The following TXNRD2 variants were observed in gnomAD, a reference collection of about 807,000 sequenced individuals.
The protein encoded by TXNRD2 is thioredoxin reductase 2, also known as thioredoxin reductase 2, mitochondrial.
TXNRD2 carries 67 observed loss-of-function variants against 70.8 expected under a neutral mutation model. The ratio of observed to expected loss-of-function variants is 0.95; its 90% CI spans 0.78 to 1.16. The LOEUF (loss-of-function observed/expected upper bound fraction) is 1.16. Ranked by LOEUF, TXNRD2 falls within the 50% of genes most tolerant of loss-of-function variation. The pLI is 0.00. For synonymous variants in TXNRD2, 301 were observed against 295.8 expected (o/e 1.02, Z -0.18); for missense variants, 644 against 719.9 (o/e 0.89, Z 1.21).
intron 11 of TXNRD2, among the ~76,000 whole-genome samples, chr22:19,891,239 A>G (rs1406219625): frequency 6.6e-6 from 1 of 152,170 alleles, no homozygotes; most frequent in Non-Finnish European, 1.5e-5. Flanking sequence ...ACAAGGCCCC[A>G]GGCAGACCTG....
chr22:19,907,298 G>A (rs1310350312), intron 8 of TXNRD2, among the ~76,000 whole-genome samples: 2 of 32,120 alleles, frequency 6.2e-5, no homozygotes, highest in East Asian at 8.3e-4. Flanking sequence ...TGTGGGCGCC[G>A]TGGATAGCAG....
chr22:19,898,352 C>A (rs1362049814), intron 9 of TXNRD2, among the ~76,000 whole-genome samples: 1 of 152,206 alleles, frequency 6.6e-6, no homozygotes, highest in Non-Finnish European at 1.5e-5. Flanking sequence ...CTGGCCTCTG[C>A]TCCCATGTGC....
intron 12 of TXNRD2, 89 bp from the exon 13 acceptor site, chr22:19,880,806 C>T: frequency 1.1e-6 from 1 of 887,676 alleles, no homozygotes; most frequent in Non-Finnish European, 1.8e-6. Context: ...TCCGAGTGGG[C>T]ATCTCCCTTT....
rs527633027 is a variant in TXNRD2, at chr22:19,883,557, A to G, written c.950-96T>C. ...TGTTTCTCAGAATGTCCACTTAGAG[A>G]CCGGGTGCAGTGGCTCCTGCCTGTA... On this transcript the variant is annotated intron_variant, in intron 11 of 17. Coordinates refer to ENST00000400521, the MANE Select transcript of TXNRD2 (RefSeq NM_006440.5). 3.5e-5 allele frequency: 55 copies of G among 1,575,846 alleles called. 1 individual carries two copies. In the South Asian group the frequency reaches 6.1e-4, roughly 17 times the overall value.
chr22:19,937,042 T>C (rs1045890326), intron 1 of TXNRD2, among the ~76,000 whole-genome samples: 12 of 152,192 alleles, frequency 7.9e-5, no homozygotes, highest in African/African-American at 1.2e-4. Context: ...GTTAAAACGG[T>C]ATTACAGACT....
chr22:19,933,328 G>A (rs776141297), intron 1 of TXNRD2: 4 of 641,434 alleles, frequency 6.2e-6, no homozygotes, highest in Non-Finnish European at 1.0e-5. Context: ...GCTGGTCAGG[G>A]AGAAAATGCC....
chr22:19,930,996 C>T (rs773601710), intron 2 of TXNRD2, 34 bp downstream of exon 2: 4 of 1,607,150 alleles, frequency 2.5e-6, no homozygotes, highest in African/African-American at 1.3e-5. Context: ...CTAAAAGCTT[C>T]GAGGCCTTGC....
chr22:19,893,665 C>T (rs1359845565), intron 11 of TXNRD2, among the ~76,000 whole-genome samples: 3 of 151,186 alleles, frequency 2.0e-5, no homozygotes, highest in Non-Finnish European at 1.5e-5. Context: ...CATGCAAAAC[C>T]GGACCTACAC....
At chr22:19,939,921 G>T (rs1056151626) in intron 1 of TXNRD2, among the ~76,000 whole-genome samples, 2 of 152,170 alleles carry the variant, frequency 1.3e-5, no homozygotes, top group African/African-American at 4.8e-5. Context: ...ATTTGGGAAT[G>T]ATTGTGTTAA....
At chr22:19,886,594 T>C (rs1939044192) in intron 11 of TXNRD2, among the ~76,000 whole-genome samples, 1 of 152,180 alleles carries the variant, frequency 6.6e-6, no homozygotes, top group African/African-American at 2.4e-5. Context: ...TCCCGACCAT[T>C]TCCCTCCTAT....
chr22:19,897,927 AAAG>A, intron 10 of TXNRD2, 109 bp downstream of exon 10: 1 of 815,162 alleles, frequency 1.2e-6, no homozygotes, highest in Non-Finnish European at 1.9e-6. Context: ...GGTTATCTCT[AAAG>A]ATTCAGGCAT....
intron 5 of TXNRD2, among the ~76,000 whole-genome samples, chr22:19,917,062 C>G (rs1404790652): frequency 6.6e-6 from 1 of 152,244 alleles, no homozygotes; most frequent in African/African-American, 2.4e-5. Context: ...CCTTCAATCA[C>G]CTCGACAGCC....
Position 19,921,321 on chromosome 22 carries a change from G to T in TXNRD2, c.173-1722C>A, listed in dbSNP as rs111857251. On this transcript the variant is annotated intron_variant, in intron 2 of 17. Transcript: ENST00000400521. ...TCCCAGCTGCTCGGGAGGCTAAGGT[G>T]GGGGGATGGCTTGAGCTTAGCAGGT... Among the ~76,000 whole-genome samples the T allele has an allele frequency of 9.4e-3, 1,421 of 151,734 alleles. 16 individuals are homozygous for T. Among genetic ancestry groups the T allele is most frequent in the African/African-American group, 0.031 (1,292 of 41,334 alleles).
intron 2 of TXNRD2, among the ~76,000 whole-genome samples, chr22:19,928,126 AC>A (rs1258768607): frequency 1.4e-5 from 2 of 146,636 alleles, no homozygotes; most frequent in Non-Finnish European, 3.0e-5. Flanking sequence ...AAAAAAAAAA[AC>A]TTGAGTAAAA....
At chr22:19,920,019 C>T (rs1424877371) in intron 2 of TXNRD2, among the ~76,000 whole-genome samples, 1 of 152,200 alleles carries the variant, frequency 6.6e-6, no homozygotes, top group Non-Finnish European at 1.5e-5. Context: ...TAGCCACTCA[C>T]CGGGAATGGC....
Position 19,927,667 on chromosome 22 carries a change from A to AG in TXNRD2, c.172+3362_172+3363insC, listed in dbSNP as rs577436720. ...ACCTTGTCTCAAAAAAAAAAAAAAA[A>AG]AAAAGAAAAGAAAGAAAGAAAGAAA... On this transcript the variant is annotated intron_variant, in intron 2 of 17. Coordinates refer to ENST00000400521, the MANE Select transcript of TXNRD2 (RefSeq NM_006440.5). Among the ~76,000 whole-genome samples the AG allele has an allele frequency of 6.7e-3, 1,013 of 150,444 alleles. 9 individuals carry two copies. The highest frequency in any genetic ancestry group is 0.024 in the Middle Eastern group (7 of 292).
chr22:19,930,791 C>A (rs1941328924), intron 2 of TXNRD2, among the ~76,000 whole-genome samples: 1 of 152,166 alleles, frequency 6.6e-6, no homozygotes, highest in South Asian at 2.1e-4. Flanking sequence ...GTGAGTAAAG[C>A]AGAAGAGCTG....
intron 2 of TXNRD2, among the ~76,000 whole-genome samples, chr22:19,928,864 G>T (rs1347236354): frequency 2.0e-5 from 3 of 151,856 alleles, no homozygotes; most frequent in Non-Finnish European, 4.4e-5. Context: ...AAATTAGCCA[G>T]GTGTGGTGGC....
At chr22:19,901,641 A>G (rs1319848730) in intron 8 of TXNRD2, among the ~76,000 whole-genome samples, 1 of 152,190 alleles carries the variant, frequency 6.6e-6, no homozygotes, top group African/African-American at 2.4e-5. Context: ...CAGCTAAAGT[A>G]AAAAAATGCC....
Sources: gnomAD v4.1 joint callset for allele counts (sites outside exome capture counted in the v4.1 genomes callset) on GRCh38, gnomAD v4.1.1 for gene constraint, MANE v1.5 for transcripts, NCBI Gene and HGNC (gene_info 2026-07-23, HGNC 2026-07-21) for gene names.